ETS1: variants seen among roughly 807,000 people sequenced by gnomAD.
ETS1 encodes the protein ETS proto-oncogene 1, transcription factor, also known as protein C-ets-1.
A neutral mutation model predicts 58.6 loss-of-function variants in ETS1; 15 were observed. The ratio of observed to expected loss-of-function variants is 0.26; its 90% CI spans 0.17 to 0.39. The LOEUF is 0.39. ETS1 is among the 10% of genes least tolerant of loss of function. ETS1 has a pLI of 1.00. For missense variants in ETS1, 417 were observed against 610.5 expected (o/e 0.68, Z 3.34); for synonymous variants, 214 against 218.2 (o/e 0.98, Z 0.17).
chr11:128,527,800 T>C (rs940435124), intron 3 of ETS1, among the ~76,000 whole-genome samples: 3 of 152,250 alleles, frequency 2.0e-5, no homozygotes, highest in African/African-American at 7.2e-5. Flanking sequence ...TCTGCTTTTC[T>C]CTTGGGTTAC....
At chr11:128,582,173 C>T (rs925505867) in intron 1 of ETS1, among the ~76,000 whole-genome samples, 1 of 152,080 alleles carries the variant, frequency 6.6e-6, no homozygotes, top group Admixed American at 6.5e-5. Flanking sequence ...GAACTGAGTC[C>T]TAAGAGGTTA....
intron 3 of ETS1, among the ~76,000 whole-genome samples, chr11:128,517,113 G>T (rs896243196): frequency 6.6e-6 from 1 of 152,172 alleles, no homozygotes; most frequent in Non-Finnish European, 1.5e-5. Flanking sequence ...CATCTGGACT[G>T]CCAGGCCTGG....
chr11:128,478,429 A>G (rs1862390681), intron 8 of ETS1, among the ~76,000 whole-genome samples: 1 of 97,386 alleles, frequency 1.0e-5, no homozygotes, highest in Non-Finnish European at 2.0e-5. Flanking sequence ...AAAGAAGGAA[A>G]GGAGGTAGGG....
chr11:128,532,462 C>T (rs1393417864), intron 3 of ETS1, among the ~76,000 whole-genome samples: 1 of 152,230 alleles, frequency 6.6e-6, no homozygotes, highest in Non-Finnish European at 1.5e-5. Context: ...TCGCTAGTTG[C>T]CCGCTCCATT....
intron 8 of ETS1, among the ~76,000 whole-genome samples, chr11:128,476,855 C>T (rs1396933013): frequency 6.6e-6 from 1 of 152,230 alleles, no homozygotes; most frequent in Non-Finnish European, 1.5e-5. Context: ...CGGAAGCCAA[C>T]ATTGCATTTG....
At chr11:128,539,967 T>C (rs1298738027) in intron 3 of ETS1, among the ~76,000 whole-genome samples, 1 of 152,102 alleles carries the variant, frequency 6.6e-6, no homozygotes, top group African/African-American at 2.4e-5. Flanking sequence ...ACAGGAAGAA[T>C]GAGAAAGAAT....
chr11:128,485,248 T>C (rs554142790), intron 6 of ETS1, among the ~76,000 whole-genome samples, 177 bp from the exon 7 acceptor site: 105 of 152,304 alleles, frequency 6.9e-4, no homozygotes, highest in African/African-American at 2.5e-3. Flanking sequence ...GCTTTAGCCC[T>C]TGACAAGGTA....
intron 3 of ETS1, among the ~76,000 whole-genome samples, chr11:128,539,868 C>G (rs561482918): frequency 1.3e-5 from 2 of 152,192 alleles, no homozygotes; most frequent in South Asian, 4.2e-4. Context: ...TCACAAAGGT[C>G]ACATATTATA....
rs76284158 is a variant in ETS1, at chr11:128,576,683, C to G, written c.-14-3539G>C. ...TCTGGACTGTGGCTTGCTGTGCCCCCCCATGCTCCCTCCCACCTCTCCAGC... is the reference window on the plus strand; with the variant it reads ...TCTGGACTGTGGCTTGCTGTGCCCCGCCATGCTCCCTCCCACCTCTCCAGC... On this transcript the variant is annotated intron_variant, in intron 1 of 9. Coordinates refer to ENST00000392668, the MANE Select transcript of ETS1 (RefSeq NM_001143820.2). Among the ~76,000 whole-genome samples the G allele has an allele frequency of 1.1e-4, 16 of 152,054 alleles. No individual in the cohort carries two copies. In the East Asian group the frequency reaches 2.9e-3, roughly 28 times the overall value.
intron 3 of ETS1, among the ~76,000 whole-genome samples, chr11:128,550,137 G>A (rs1017522670): frequency 1.3e-5 from 2 of 152,250 alleles, no homozygotes; most frequent in African/African-American, 4.8e-5. Context: ...AGTGGACTTA[G>A]CCAAGGCCGA....
chr11:128,561,389 T>C (rs934045923), intron 2 of ETS1, among the ~76,000 whole-genome samples: 1 of 152,228 alleles, frequency 6.6e-6, no homozygotes, highest in East Asian at 1.9e-4. Flanking sequence ...TTGGGAAAAA[T>C]CAGTAATACT....
intron 8 of ETS1, among the ~76,000 whole-genome samples, chr11:128,475,879 C>T (rs1862309363): frequency 1.0e-5 from 1 of 99,758 alleles, no homozygotes; most frequent in African/African-American, 4.7e-5. Flanking sequence ...AAGACTAGTA[C>T]CTTTGTGTGT....
chr11:128,500,706 A>C (rs1157211910), intron 3 of ETS1, among the ~76,000 whole-genome samples: 1 of 152,208 alleles, frequency 6.6e-6, no homozygotes, highest in East Asian at 1.9e-4. Flanking sequence ...AAGAATACGC[A>C]AGTCCATTTT....
At chr11:128,550,201 C>A (rs553771801) in intron 3 of ETS1, among the ~76,000 whole-genome samples, 5 of 152,284 alleles carry the variant, frequency 3.3e-5, no homozygotes, top group Admixed American at 1.3e-4. Context: ...TGGCTCTTCC[C>A]ACAACACCAG....
chr11:128,572,197 C>T (rs1168219551), intron 2 of ETS1: 3 of 150,826 alleles, frequency 2.0e-5, no homozygotes, highest in Non-Finnish European at 2.9e-5. Flanking sequence ...TGCTTGAACC[C>T]AGAAGATAGA....
intron 2 of ETS1, chr11:128,571,801 G>A (rs573417975): frequency 6.6e-6 from 1 of 152,126 alleles, no homozygotes; most frequent in East Asian, 1.9e-4. Context: ...CCAGCACTTT[G>A]GGAGGCAGAG....
chr11:128,511,810 G>A (rs2135501208), intron 3 of ETS1, among the ~76,000 whole-genome samples: 1 of 152,338 alleles, frequency 6.6e-6, no homozygotes, highest in Middle Eastern at 3.4e-3. Flanking sequence ...GGGATTTGGA[G>A]AAACTGACTG....
chr11:128,475,638 G>T (rs1025361050), intron 8 of ETS1, among the ~76,000 whole-genome samples: 1 of 135,092 alleles, frequency 7.4e-6, no homozygotes, highest in Non-Finnish European at 1.5e-5. Context: ...TGCAAGCTCC[G>T]CCTCCTGGGT....
At chr11:128,566,597 C>A (rs1053785635) in intron 2 of ETS1, among the ~76,000 whole-genome samples, 11 of 152,132 alleles carry the variant, frequency 7.2e-5, no homozygotes, top group African/African-American at 2.4e-4. Flanking sequence ...TCCTGGCTAA[C>A]ACAGTGAAAC....
Sources: gnomAD v4.1 joint callset for allele counts (sites outside exome capture counted in the v4.1 genomes callset) on GRCh38, gnomAD v4.1.1 for gene constraint, MANE v1.5 for transcripts, NCBI Gene and HGNC (gene_info 2026-07-23, HGNC 2026-07-21) for gene names.